The following PTPRO variants were observed in gnomAD, a reference collection of about 807,000 sequenced individuals.
PTPRO encodes the protein protein tyrosine phosphatase receptor type O.
Under a neutral mutation model 145.2 loss-of-function variants are expected in PTPRO, and 62 were observed. The observed-to-expected ratio is 0.43, with a 90% CI of 0.35 to 0.53. The LOEUF (loss-of-function observed/expected upper bound fraction) is 0.53. Ranked by LOEUF, PTPRO falls within the 20% of genes least tolerant of loss-of-function variation. PTPRO has a pLI of 0.01. For missense variants in PTPRO, 1,345 were observed against 1,482.7 expected, an observed-to-expected ratio of 0.91 and a Z score of 1.53; for synonymous variants, 565 against 514.7, an observed-to-expected ratio of 1.10 and a Z score of -1.32.
At chr12:15,389,405 C>T (rs1939126805) in intron 1 of PTPRO, among the ~76,000 whole-genome samples, 1 of 152,062 alleles carries the variant, frequency 6.6e-6, no homozygotes, top group Non-Finnish European at 1.5e-5. Context: ...CCACACCTGG[C>T]CTCTCCAGGG....
intron 1 of PTPRO, among the ~76,000 whole-genome samples, chr12:15,392,648 G>T (rs145327279): frequency 5.4e-5 from 8 of 148,926 alleles, no homozygotes; most frequent in African/African-American, 2.0e-4. Context: ...TTGAACCTCG[G>T]AGGCGGAGGT....
chr12:15,561,369 A>G (rs1591738498), intron 17 of PTPRO, among the ~76,000 whole-genome samples: 1 of 152,174 alleles, frequency 6.6e-6, no homozygotes, highest in East Asian at 1.9e-4. Flanking sequence ...AGCTGGCAGA[A>G]TTTAGGATTT....
intron 24 of PTPRO, among the ~76,000 whole-genome samples, chr12:15,588,407 G>T (rs776506267): frequency 2.6e-5 from 4 of 152,264 alleles, no homozygotes; most frequent in Admixed American, 1.3e-4. Flanking sequence ...TCTTTATTGA[G>T]GATTAGAGGG....
At chr12:15,454,464 T>C (rs1336913480) in intron 1 of PTPRO, among the ~76,000 whole-genome samples, 1 of 152,252 alleles carries the variant, frequency 6.6e-6, no homozygotes, top group African/African-American at 2.4e-5. Flanking sequence ...ATTTTGGTTA[T>C]TAACCCCTTA....
At chr12:15,588,542 A>C (rs949189466) in intron 24 of PTPRO, among the ~76,000 whole-genome samples, 1 of 152,116 alleles carries the variant, frequency 6.6e-6, no homozygotes. Context: ...ACTGGGTCCA[A>C]ATTTTTCATT....
At position 15,555,174 on chromosome 12, in the gene PTPRO, G is replaced by A. The variant is rs186044000; in HGVS notation, c.2559-2281G>A. Among the ~76,000 whole-genome samples, 422 of 152,218 alleles carry A rather than the reference G, an allele frequency of 2.8e-3. 4 individuals are homozygous for A. The highest frequency in any genetic ancestry group is 9.9e-3 in the African/African-American group (411 of 41,542). Reference sequence around the variant, plus strand: ...AATCGCTTGGACTTGGGGGGCGGAGGTTGCAGTGAGCTGAGATCGTGCCAC... The same window carrying A: ...AATCGCTTGGACTTGGGGGGCGGAGATTGCAGTGAGCTGAGATCGTGCCAC... On this transcript the variant is annotated intron_variant, in intron 15 of 26. Coordinates refer to ENST00000281171, the MANE Select transcript of PTPRO (RefSeq NM_030667.3).
At chr12:15,567,975 T>C (rs1166841833) in intron 18 of PTPRO, among the ~76,000 whole-genome samples, 1 of 152,158 alleles carries the variant, frequency 6.6e-6, no homozygotes, top group East Asian at 1.9e-4. Context: ...AAATGAGTTA[T>C]TGTTATTAAG....
chr12:15,402,758 C>G (rs2136301228), intron 1 of PTPRO, among the ~76,000 whole-genome samples: 1 of 152,068 alleles, frequency 6.6e-6, no homozygotes, highest in East Asian at 1.9e-4. Flanking sequence ...TTTAGTTATT[C>G]TAACTATTTA....
intron 1 of PTPRO, among the ~76,000 whole-genome samples, chr12:15,471,403 G>T (rs1342623773): frequency 6.6e-6 from 1 of 151,990 alleles, no homozygotes; most frequent in Non-Finnish European, 1.5e-5. Context: ...ATAGGCTCAG[G>T]CACCAAATCC....
At chr12:15,548,432 C>T (rs1219799215) in intron 13 of PTPRO, among the ~76,000 whole-genome samples, 2 of 151,936 alleles carry the variant, frequency 1.3e-5, no homozygotes, top group African/African-American at 4.8e-5. Flanking sequence ...GAATGTGACA[C>T]TAGCAAAGAA....
chr12:15,382,863 TG>T (rs903984918), intron 1 of PTPRO, among the ~76,000 whole-genome samples: 78 of 152,348 alleles, frequency 5.1e-4, no homozygotes, highest in African/African-American at 1.9e-3. Context: ...TACATATTTA[TG>T]GGGTACAGCG....
chr12:15,327,912 G>A (rs1217288671), intron 1 of PTPRO, among the ~76,000 whole-genome samples: 4 of 151,974 alleles, frequency 2.6e-5, no homozygotes, highest in Non-Finnish European at 4.4e-5. Flanking sequence ...TCAGGAATTC[G>A]ATACCAGCCT....
At chr12:15,466,058 C>T (rs1174791195) in intron 1 of PTPRO, among the ~76,000 whole-genome samples, 1 of 152,046 alleles carries the variant, frequency 6.6e-6, no homozygotes, top group Non-Finnish European at 1.5e-5. Context: ...AGTATTAACC[C>T]CATTTTTCAG....
At chr12:15,546,740 TTAA>T (rs1355778290) in intron 13 of PTPRO, 32 bp downstream of exon 13, 1 of 1,612,862 alleles carries the variant, frequency 6.2e-7, no homozygotes, top group Admixed American at 1.7e-5. Context: ...CTTTTCTCAG[TTAA>T]CTTAAGTAAG....
intron 1 of PTPRO, among the ~76,000 whole-genome samples, chr12:15,389,471 G>C (rs768220846): frequency 4.6e-5 from 7 of 152,104 alleles, no homozygotes; most frequent in Non-Finnish European, 7.4e-5. Flanking sequence ...CACTGAATGT[G>C]AAAGTGAAGA....
At chr12:15,427,968 A>G (rs1940328925) in intron 1 of PTPRO, among the ~76,000 whole-genome samples, 1 of 152,118 alleles carries the variant, frequency 6.6e-6, no homozygotes, top group Non-Finnish European at 1.5e-5. Context: ...TTATAAATGA[A>G]GTATCGGTTT....
intron 1 of PTPRO, among the ~76,000 whole-genome samples, chr12:15,454,162 A>G (rs1447946521): frequency 6.6e-6 from 1 of 152,216 alleles, no homozygotes; most frequent in East Asian, 1.9e-4. Flanking sequence ...CATAGTTTTC[A>G]TAGATGCAGC....
intron 10 of PTPRO, among the ~76,000 whole-genome samples, chr12:15,522,980 T>A (rs1241184963): frequency 6.6e-6 from 1 of 152,212 alleles, no homozygotes; most frequent in African/African-American, 2.4e-5. Flanking sequence ...TTGGAATATA[T>A]TAGGAGGCTA....
At position 15,508,554 on chromosome 12, in the gene PTPRO, C is replaced by T; in HGVS notation, c.1268-17C>T. On this transcript the variant is annotated splice_polypyrimidine_tract_variant and intron_variant, in intron 6 of 26. Transcript: ENST00000281171. Reference sequence around the variant, plus strand: ...GTAACGTGCAGCCTCCCCTGTGTTCCAATTTGAAATGTGCAGGTCCTTCAG... The same window carrying T: ...GTAACGTGCAGCCTCCCCTGTGTTCTAATTTGAAATGTGCAGGTCCTTCAG... 1 of 1,613,076 alleles carries T rather than the reference C, an allele frequency of 6.2e-7. No homozygotes were observed. The highest frequency in any genetic ancestry group is 8.5e-7 in the Non-Finnish European group (1 of 1,179,342).
Sources: gnomAD v4.1 joint callset for allele counts (sites outside exome capture counted in the v4.1 genomes callset) on GRCh38, gnomAD v4.1.1 for gene constraint, MANE v1.5 for transcripts, NCBI Gene and HGNC (gene_info 2026-07-23, HGNC 2026-07-21) for gene names.